The following FOCAD variants were observed in gnomAD, a reference collection of about 807,000 sequenced individuals.
The protein encoded by FOCAD is focadhesin.
In FOCAD, 198 loss-of-function variants were observed where a neutral mutation model predicts 225.6. That is an observed-to-expected ratio of 0.88 (90% confidence interval 0.78 to 0.99). The LOEUF (loss-of-function observed/expected upper bound fraction) is 0.99, where lower values mean the gene tolerates loss of function less well. Ranked by LOEUF, FOCAD falls within the 50% of genes least tolerant of loss-of-function variation. The pLI is 0.00. For synonymous variants in FOCAD, 897 were observed against 755.0 expected (o/e 1.19, Z -3.08); for missense variants, 2,713 against 2,123.6 (o/e 1.28, Z -5.46).
intron 1 of FOCAD, among the ~76,000 whole-genome samples, chr9:20,690,703 A>G (rs1211985502): frequency 1.3e-5 from 2 of 152,064 alleles, no homozygotes; most frequent in Admixed American, 6.6e-5. Context: ...ATGTGCCACC[A>G]TACCTGGCTA....
At chr9:20,942,127 G>C (rs1229541298) in intron 28 of FOCAD, among the ~76,000 whole-genome samples, 1 of 152,152 alleles carries the variant, frequency 6.6e-6, no homozygotes. Flanking sequence ...TACATACACT[G>C]TTATATATTC....
Position 20,819,825 on chromosome 9 carries a change from C to T in FOCAD, c.1485C>T (p.Phe495=). The T allele has an allele frequency of 6.5e-7, 1 of 1,532,252 alleles. No homozygotes were observed. The highest frequency in any genetic ancestry group is 8.8e-7 in the Non-Finnish European group (1 of 1,141,882). The allele number at this position is 1,532,252 out of a possible 1,614,324, so 94.9% of individuals were successfully genotyped here. Residue 495 remains phenylalanine (F), a synonymous_variant, in exon 12 of 44, where the codon TTC becomes TTT. Transcript: ENST00000338382. ...CAAATCTGATTCCAGTTTTGATGTT[C>T]AAATTGGGAAGACCACTGGAACCTA... ...QVPNLIPVLM[F]KLGRPLEPIL...
chr9:20,889,643 T>C (rs1441394410), intron 21 of FOCAD, among the ~76,000 whole-genome samples: 1 of 152,222 alleles, frequency 6.6e-6, no homozygotes, highest in Non-Finnish European at 1.5e-5. Flanking sequence ...TGAATAACTT[T>C]CGCTTTATAA....
chr9:20,695,658 A>G (rs753647575), intron 1 of FOCAD, among the ~76,000 whole-genome samples: 12 of 152,190 alleles, frequency 7.9e-5, no homozygotes, highest in South Asian at 6.2e-4. Context: ...TTATCCACCC[A>G]TCTACCTACT....
intron 8 of FOCAD, among the ~76,000 whole-genome samples, chr9:20,774,337 G>A (rs7858494): frequency 0.19 from 28,288 of 152,144 alleles, 2,964 homozygotes; most frequent in South Asian, 0.32. Flanking sequence ...GGCACAATGT[G>A]TGTTGCTTTT....
chr9:20,993,218 C>G lies in FOCAD; in HGVS notation c.5257-35C>G, dbSNP rs748948611. On this transcript the variant is annotated intron_variant, in intron 42 of 43. Transcript: ENST00000338382. ...CTGTTCTTTTGCTGATGGTAGGATT[C>G]TCTTCTTTGACACTATTTTTCATTT... 19 of 1,549,946 alleles carry G rather than the reference C, an allele frequency of 1.2e-5. No homozygotes were observed. In the East Asian group the frequency reaches 3.4e-4, roughly 28 times the overall value.
intron 24 of FOCAD, among the ~76,000 whole-genome samples, chr9:20,918,318 G>A (rs944567138): frequency 4.6e-5 from 7 of 152,204 alleles, no homozygotes; most frequent in Non-Finnish European, 8.8e-5. Context: ...TTACTCCAGT[G>A]TGACTGTAAT....
chr9:20,905,070 C>T (rs552772087), intron 21 of FOCAD, among the ~76,000 whole-genome samples: 1 of 151,996 alleles, frequency 6.6e-6, no homozygotes, highest in South Asian at 2.1e-4. Flanking sequence ...AGTCTGTCTT[C>T]ATTAAGAGAA....
At chr9:20,794,202 A>G (rs1204574613) in intron 11 of FOCAD, among the ~76,000 whole-genome samples, 2 of 152,216 alleles carry the variant, frequency 1.3e-5, no homozygotes, top group African/African-American at 2.4e-5. Context: ...TCTAGAAGTA[A>G]CAGAACTTAG....
rs185308640 is a variant in FOCAD, at chr9:20,929,725, C to T, written c.3317+129C>T. Reference sequence around the variant, plus strand: ...TGTTTGCTAAACTTTCTGAGATGGGCAAGTTGATCCTTTATTCTTCTTTAG... The same window carrying T: ...TGTTTGCTAAACTTTCTGAGATGGGTAAGTTGATCCTTTATTCTTCTTTAG... On this transcript the variant is annotated intron_variant, in intron 27 of 43. Transcript: ENST00000338382. 1.9e-5 allele frequency: 13 copies of T among 678,748 alleles called. No individual in the cohort carries two copies. In the African/African-American group the frequency reaches 2.3e-4, roughly 12 times the overall value. The allele number at this position is 678,748 out of a possible 1,614,324, so 42.0% of individuals were successfully genotyped here. A position where few individuals can be genotyped will look rare whatever the true frequency, so the allele number is the denominator to read the frequency against.
intron 5 of FOCAD, among the ~76,000 whole-genome samples, chr9:20,754,055 A>G (rs894283102): frequency 5.3e-5 from 8 of 152,056 alleles, no homozygotes; most frequent in African/African-American, 1.9e-4. Flanking sequence ...TTGATCAGTA[A>G]TGCTTCCAAT....
At chr9:20,789,085 A>G (rs1820249194) in intron 10 of FOCAD, among the ~76,000 whole-genome samples, 2 of 152,014 alleles carry the variant, frequency 1.3e-5, no homozygotes, top group African/African-American at 4.8e-5. Flanking sequence ...ATTGATCCAT[A>G]TATTCTGCCT....
Position 20,821,066 on chromosome 9 carries a change from G to A in FOCAD, c.1788G>A (p.Lys596=), listed in dbSNP as rs760291971. The A allele has an allele frequency of 1.2e-6, 2 of 1,612,082 alleles. No homozygotes were observed. Among genetic ancestry groups the A allele is most frequent in the South Asian group, 1.1e-5 (1 of 91,014 alleles). ...CAGCATCAATCAGAGATATATGTAA[G>A]CAGAGGTATGATGTCATTAACTCTT... ...AKAASIRDIC[K]QRPYQHGADM... is the part of the protein sequence containing the mutation. The change falls in exon 14 of 44, where the codon AAG becomes AAA. Residue 596 remains lysine, a synonymous_variant. Coordinates refer to ENST00000338382, the MANE Select transcript of FOCAD (RefSeq NM_001375567.1).
At chr9:20,887,487 G>A (rs768697288) in intron 21 of FOCAD, among the ~76,000 whole-genome samples, 2 of 151,888 alleles carry the variant, frequency 1.3e-5, no homozygotes, top group East Asian at 3.9e-4. Flanking sequence ...CACTTGCCTC[G>A]GCCTCCCAAA....
intron 35 of FOCAD, among the ~76,000 whole-genome samples, chr9:20,964,208 A>G (rs1472541888): frequency 6.6e-6 from 1 of 152,012 alleles, no homozygotes; most frequent in Non-Finnish European, 1.5e-5. Context: ...TATACAGAAA[A>G]TACAAAAAAT....
chr9:20,960,130 A>T (rs551587662), intron 35 of FOCAD, among the ~76,000 whole-genome samples: 5 of 152,310 alleles, frequency 3.3e-5, no homozygotes, highest in African/African-American at 1.2e-4. Context: ...GTCTCCTTCA[A>T]CCTGAACACT....
chr9:20,753,016 T>A (rs867897209), intron 5 of FOCAD, among the ~76,000 whole-genome samples: 48 of 152,002 alleles, frequency 3.2e-4, no homozygotes, highest in Middle Eastern at 3.4e-3. Context: ...TTTTGTATCC[T>A]GAGACTTTGC....
intron 2 of FOCAD, among the ~76,000 whole-genome samples, chr9:20,666,345 A>G (rs891253115): frequency 1.3e-5 from 2 of 152,220 alleles, no homozygotes; most frequent in East Asian, 3.9e-4. Flanking sequence ...CTGAGGTGGA[A>G]GATTGCTTGA....
intron 28 of FOCAD, among the ~76,000 whole-genome samples, chr9:20,938,578 G>T (rs1187096200): frequency 2.8e-5 from 4 of 144,688 alleles, no homozygotes; most frequent in Admixed American, 6.9e-5. Flanking sequence ...GGGGCCTGTT[G>T]TGGGGTGGGG....
Sources: allele counts gnomAD v4.1 joint callset (sites outside exome capture counted in the v4.1 genomes callset), GRCh38; gene constraint gnomAD v4.1.1; transcripts MANE v1.5; gene names NCBI Gene and HGNC (gene_info 2026-07-23, HGNC 2026-07-21).